Variants in NRXN3 observed in about 807,000 individuals in gnomAD.
The protein encoded by NRXN3 is neurexin III.
NRXN3 carries 32 observed loss-of-function variants against 137.6 expected under a neutral mutation model. That is an observed-to-expected ratio of 0.23 (90% CI 0.18 to 0.31). The LOEUF is 0.31. Among genes scored for constraint, NRXN3 ranks in the 10% least tolerant of loss-of-function variants. NRXN3 has a pLI of 1.00. For missense variants in NRXN3, 1,574 were observed against 2,062.5 expected (o/e 0.76, Z 4.59); for synonymous variants, 798 against 784.5 (o/e 1.02, Z -0.29).
intron 10 of NRXN3, among the ~76,000 whole-genome samples, chr14:78,830,214 G>A (rs2098977910): frequency 6.6e-6 from 1 of 152,064 alleles, no homozygotes; most frequent in African/African-American, 2.4e-5. Flanking sequence ...CATTTTAGTT[G>A]ATTAAAATAA....
intron 4 of NRXN3, among the ~76,000 whole-genome samples, chr14:78,623,520 A>T (rs973641314): frequency 2.0e-5 from 3 of 152,204 alleles, no homozygotes; most frequent in Non-Finnish European, 2.9e-5. Flanking sequence ...ATTGCCATTC[A>T]TTTATAGCAA....
At chr14:79,771,538 C>G (rs1334979320) in intron 19 of NRXN3, among the ~76,000 whole-genome samples, 3,897 of 124,144 alleles carry the variant, frequency 0.031, no homozygotes, top group African/African-American at 0.042. Flanking sequence ...ATGATTATCT[C>G]AATAGATGCA....
intron 10 of NRXN3, among the ~76,000 whole-genome samples, chr14:78,841,439 A>G (rs181692140): frequency 5.9e-5 from 9 of 152,108 alleles, no homozygotes; most frequent in African/African-American, 2.2e-4. Flanking sequence ...TTCTGGCACC[A>G]TCTTGGATGA....
intron 16 of NRXN3, among the ~76,000 whole-genome samples, chr14:79,511,685 C>A (rs983892922): frequency 3.3e-5 from 5 of 152,132 alleles, no homozygotes; most frequent in Admixed American, 1.3e-4. Flanking sequence ...CTCCATCAAC[C>A]CAATAATGAA....
chr14:79,790,868 C>T (rs1300031123), intron 19 of NRXN3, among the ~76,000 whole-genome samples: 1 of 151,978 alleles, frequency 6.6e-6, no homozygotes, highest in Non-Finnish European at 1.5e-5. Context: ...ATCCACCCGC[C>T]TTGGCCTCCC....
intron 4 of NRXN3, among the ~76,000 whole-genome samples, chr14:78,643,002 A>C (rs1476519159): frequency 6.6e-6 from 1 of 152,192 alleles, no homozygotes; most frequent in Non-Finnish European, 1.5e-5. Context: ...AGGTAGATAC[A>C]TATGACTGGG....
intron 15 of NRXN3, among the ~76,000 whole-genome samples, chr14:79,370,160 A>G (rs561796350): frequency 2.0e-5 from 3 of 152,216 alleles, no homozygotes; most frequent in South Asian, 4.1e-4. Context: ...AACAGCCCCA[A>G]TTTATTGAGT....
chr14:78,768,385 T>A (rs527379295), intron 8 of NRXN3, among the ~76,000 whole-genome samples: 1 of 152,176 alleles, frequency 6.6e-6, no homozygotes, highest in East Asian at 1.9e-4. Context: ...CATGAGAGAG[T>A]TCTTATAAGA....
chr14:78,514,204 G>T (rs951688884), intron 4 of NRXN3, among the ~76,000 whole-genome samples: 1 of 152,144 alleles, frequency 6.6e-6, no homozygotes, highest in Non-Finnish European at 1.5e-5. Context: ...CAATGAAAGA[G>T]ATGTCACAGA....
chr14:79,482,442 C>T (rs1469579122), intron 16 of NRXN3, among the ~76,000 whole-genome samples: 1 of 152,142 alleles, frequency 6.6e-6, no homozygotes, highest in African/African-American at 2.4e-5. Flanking sequence ...GCACAGAGAG[C>T]TCTCTCGCTA....
chr14:78,879,965 C>T (rs1003346548), intron 10 of NRXN3, among the ~76,000 whole-genome samples: 4 of 141,832 alleles, frequency 2.8e-5, no homozygotes, highest in Admixed American at 6.7e-5. Flanking sequence ...TTGGGCCGGG[C>T]GCGGTGGCTC....
At chr14:79,609,866 T>C (rs1295172425) in intron 16 of NRXN3, among the ~76,000 whole-genome samples, 3 of 151,664 alleles carry the variant, frequency 2.0e-5, no homozygotes, top group African/African-American at 7.3e-5. Flanking sequence ...CCAAACACCA[T>C]GTGGTCTCAC....
At chr14:78,533,690 G>C (rs1480867190) in intron 4 of NRXN3, among the ~76,000 whole-genome samples, 1 of 152,068 alleles carries the variant, frequency 6.6e-6, no homozygotes, top group Non-Finnish European at 1.5e-5. Context: ...TAGTTAACTC[G>C]TGGTCATCTG....
intron 6 of NRXN3, among the ~76,000 whole-genome samples, chr14:78,684,132 G>A (rs1235930891): frequency 6.6e-6 from 1 of 152,088 alleles, no homozygotes; most frequent in African/African-American, 2.4e-5. Context: ...TTCTCTGACT[G>A]TATTAACCAT....
intron 16 of NRXN3, among the ~76,000 whole-genome samples, chr14:79,647,535 T>C (rs1281235636): frequency 7.3e-6 from 1 of 136,260 alleles, no homozygotes; most frequent in African/African-American, 2.4e-5. Context: ...AAGCAGTTAA[T>C]ACTTAAGAGT....
intron 15 of NRXN3, among the ~76,000 whole-genome samples, chr14:79,392,168 T>C (rs1398360431): frequency 3.3e-5 from 5 of 152,112 alleles, no homozygotes; most frequent in Non-Finnish European, 7.4e-5. Context: ...CAACAGGTCC[T>C]GGTGTGTGAT....
At chr14:79,657,736 C>A (rs1187411183) in intron 16 of NRXN3, among the ~76,000 whole-genome samples, 1 of 152,226 alleles carries the variant, frequency 6.6e-6, no homozygotes, top group Middle Eastern at 3.4e-3. Context: ...TAGTCAAAGT[C>A]AAAATTGATC....
At chr14:79,801,506 ATGATGT>A (rs2099180619) in intron 19 of NRXN3, among the ~76,000 whole-genome samples, 1 of 152,154 alleles carries the variant, frequency 6.6e-6, no homozygotes, top group African/African-American at 2.4e-5. Flanking sequence ...AAGTTAAACT[ATGATGT>A]TGATTAATAG....
chr14:78,431,316 C>T (rs954088992), intron 4 of NRXN3, among the ~76,000 whole-genome samples: 7 of 152,128 alleles, frequency 4.6e-5, no homozygotes, highest in Non-Finnish European at 1.0e-4. Flanking sequence ...TTACTGTCAT[C>T]GCTTGACCTC....
Sources: allele counts gnomAD v4.1 joint callset (sites outside exome capture counted in the v4.1 genomes callset), GRCh38; gene constraint gnomAD v4.1.1; transcripts MANE v1.5; gene names NCBI Gene and HGNC (gene_info 2026-07-23, HGNC 2026-07-21).